Variants in WDR75 observed in about 807,000 individuals in gnomAD.
WDR75 encodes the protein WD repeat domain 75, also known as WD repeat-containing protein 75.
Under a neutral mutation model 106.1 loss-of-function variants are expected in WDR75, and 52 were observed. That is an observed-to-expected ratio of 0.49 (90% confidence interval 0.39 to 0.62). The LOEUF is 0.62. Ranked by LOEUF, WDR75 falls within the 20% of genes least tolerant of loss-of-function variation. WDR75 has a pLI of 0.00. For missense variants in WDR75, 905 were observed against 970.3 expected, an observed-to-expected ratio of 0.93 and a Z score of 0.89; for synonymous variants, 333 against 335.5, an observed-to-expected ratio of 0.99 and a Z score of 0.08.
In WDR75 at chr2:189,441,500, A is replaced by G. The variant is rs751960487; in HGVS notation, c.8A>G (p.Glu3Gly). The G allele has an allele frequency of 2.6e-6, 4 of 1,563,180 alleles. No homozygotes were observed. Among genetic ancestry groups the G allele is most frequent in the African/African-American group, 1.4e-5 (1 of 73,852 alleles). The change falls in exon 1 of 21, where the codon GAG (glutamate) becomes GGG (glycine). Residue 3 changes from glutamate to glycine, a missense_variant. Coordinates refer to ENST00000314761, the MANE Select transcript of WDR75 (RefSeq NM_032168.3). ...TTCCGCTACTGCGCAAAGATGGTGG[A>G]GGAGGAGAACATCCGCGTGGTTCGT... is the stretch of plus-strand genomic sequence containing the variant. The part of the protein sequence containing the change: MV[E>G]EENIRVVRCG...
rs1686599960 is a variant in WDR75, at chr2:189,450,680, CCT to C, written c.217-216_217-215del. 6.7e-6 allele frequency: 9 copies of C among 1,341,132 alleles called. No individual in the cohort carries two copies. In the East Asian group the frequency reaches 2.6e-4, roughly 39 times the overall value. 83.1% of individuals were successfully genotyped at this position (1,341,132 alleles called of 1,614,324 possible). A position where few individuals can be genotyped will look rare whatever the true frequency, so the allele number is the denominator to read the frequency against. On this transcript the variant is annotated intron_variant, in intron 2 of 20. Coordinates refer to ENST00000314761, the MANE Select transcript of WDR75 (RefSeq NM_032168.3). ...TTCAAGACAGAAAGTTGGCTTTTTT[CCT>C]CTCTCTTTTAGTTAAAACTTGAAAT...
At chr2:189,469,783 T>TA (rs1451975902) in intron 16 of WDR75, among the ~76,000 whole-genome samples, 1 of 152,160 alleles carries the variant, frequency 6.6e-6, no homozygotes, top group Non-Finnish European at 1.5e-5. Flanking sequence ...TTCTAGTACT[T>TA]ACAGACAAAA....
chr2:189,458,219 G>A (rs977375756), intron 6 of WDR75, among the ~76,000 whole-genome samples: 8 of 152,094 alleles, frequency 5.3e-5, no homozygotes, highest in Non-Finnish European at 1.0e-4. Flanking sequence ...CACTGTGCCC[G>A]GCCAATTGCT....
chr2:189,465,094 C>A lies in WDR75; in HGVS notation c.1129C>A (p.Gln377Lys), dbSNP rs1686974070. The A allele has an allele frequency of 6.3e-7, 1 of 1,593,550 alleles. No individual in the cohort carries two copies. The highest frequency in any genetic ancestry group is 1.4e-5 in the African/African-American group (1 of 73,838). The change falls in exon 12 of 21, where the codon CAA (glutamine) becomes AAA (lysine). Residue 377 changes from glutamine (Q) to lysine (K), a missense_variant. By Grantham distance (53) the Gln-to-Lys change is moderately conservative. Transcript: ENST00000314761. ...KQLYNLDIIQQEYINDYGLIQ... is the reference protein window; with the variant it reads ...KQLYNLDIIQKEYINDYGLIQ... ...TACTCATCAGTTAGATATTATACAG[C>A]AAGAATATATTAATGATTATGGTCT...
At chr2:189,467,144 A>G (rs1392661514) in intron 13 of WDR75, among the ~76,000 whole-genome samples, 1 of 151,970 alleles carries the variant, frequency 6.6e-6, no homozygotes, top group East Asian at 1.9e-4. Context: ...AACCCTGTAT[A>G]TACTGTTTTT....
intron 2 of WDR75, chr2:189,449,225 A>G (rs555007995): frequency 8.5e-6 from 11 of 1,298,648 alleles, no homozygotes; most frequent in Non-Finnish European, 1.1e-5. Context: ...TTTTAATCCA[A>G]TTCCATTTTC....
intron 8 of WDR75, among the ~76,000 whole-genome samples, chr2:189,461,918 G>A (rs1044426538): frequency 6.6e-6 from 1 of 152,106 alleles, no homozygotes; most frequent in African/African-American, 2.4e-5. Context: ...TTTCTGAGAG[G>A]TATTATCATG....
At chr2:189,474,632 A>T in intron 19 of WDR75, 85 bp from the exon 20 acceptor site, 1 of 1,180,482 alleles carries the variant, frequency 8.5e-7, no homozygotes. Context: ...TTACAATAAA[A>T]GGGACTCCGT....
intron 8 of WDR75, among the ~76,000 whole-genome samples, chr2:189,461,540 G>A (rs1266459791): frequency 6.6e-6 from 1 of 151,884 alleles, no homozygotes; most frequent in Admixed American, 6.6e-5. Flanking sequence ...TCTTTTGATA[G>A]TATGTTTTAC....
At chr2:189,441,636 C>T in intron 1 of WDR75, 58 bp downstream of exon 1, 4 of 1,528,974 alleles carry the variant, frequency 2.6e-6, no homozygotes. Flanking sequence ...TCTCGAGGGT[C>T]GGGGAGAAGG....
Position 189,465,378 on chromosome 2 carries a change from G to A in WDR75, c.1289+124G>A, listed in dbSNP as rs531786157. 1.9e-5 allele frequency: 20 copies of A among 1,043,504 alleles called. 1 individual carries two copies. The South Asian group carries it at 4.2e-4, about 22-fold the overall frequency. 64.6% of individuals were successfully genotyped at this position (1,043,504 alleles called of 1,614,324 possible). ...GTTTAGATTTAGAGATATGGGAGAG[G>A]TTTTATTCTAATAAAACCTTTAAGC... On this transcript the variant is annotated intron_variant, in intron 12 of 20. Coordinates refer to ENST00000314761, the MANE Select transcript of WDR75 (RefSeq NM_032168.3).
At chr2:189,470,932 T>TA in intron 18 of WDR75, 54 bp downstream of exon 18, 1 of 1,349,154 alleles carries the variant, frequency 7.4e-7, no homozygotes, top group Non-Finnish European at 1.0e-6. Context: ...AGGATACAAT[T>TA]ACCTTTTAGA....
chr2:189,474,844 T>G, intron 20 of WDR75, 36 bp downstream of exon 20: 1 of 1,526,310 alleles, frequency 6.6e-7, no homozygotes, highest in Non-Finnish European at 9.1e-7. Flanking sequence ...GGACACTCTC[T>G]TTTGGGAAAC....
chr2:189,459,517 G>T, intron 8 of WDR75, 93 bp downstream of exon 8: 1 of 1,202,380 alleles, frequency 8.3e-7, no homozygotes, highest in Admixed American at 2.0e-5. Flanking sequence ...ATTTAAAACT[G>T]CATGAGCCAA....
At position 189,448,522 on chromosome 2, in the gene WDR75, T is replaced by G. The variant is rs531966941; in HGVS notation, c.216+14T>G. 1.9e-6 allele frequency: 3 copies of G among 1,611,106 alleles called. No homozygotes were observed. In the East Asian group the frequency reaches 6.7e-5, roughly 36 times the overall value. On this transcript the variant is annotated intron_variant, in intron 2 of 20. Transcript: ENST00000314761. ...AACCATCTACAGGTGTCAAACAGTT[T>G]ATAGCTGAATACTTTAAGACTGGCT...
At chr2:189,442,429 C>G (rs951602575) in intron 1 of WDR75, among the ~76,000 whole-genome samples, 1 of 145,632 alleles carries the variant, frequency 6.9e-6, no homozygotes, top group East Asian at 2.0e-4. Flanking sequence ...AAGTTTGTAG[C>G]CTCCACAATA....
intron 7 of WDR75, 44 bp downstream of exon 7, chr2:189,458,916 T>A (rs1407900621): frequency 6.4e-7 from 1 of 1,563,238 alleles, no homozygotes; most frequent in Non-Finnish European, 8.6e-7. Context: ...TATGTACTAT[T>A]TTACGTTAGT....
rs764972981 is a variant in WDR75 at position 189,474,136 on chromosome 2, A to T, written c.2050-50A>T. 7 of 1,568,080 alleles carry T rather than the reference A, an allele frequency of 4.5e-6. 1 individual carries two copies. Among genetic ancestry groups the T allele is most frequent in the Admixed American group, 3.8e-5 (2 of 52,864 alleles). The stretch of plus-strand genomic sequence containing the variant: ...TAGTACTTACTGTTAAGTCAAACAC[A>T]GTTCTTCCTTTTTTCTGAAATAATT... On this transcript the variant is annotated intron_variant, in intron 18 of 20. Transcript: ENST00000314761.
At chr2:189,467,406 A>G (rs778610639) in intron 13 of WDR75, 62 bp from the exon 14 acceptor site, 34 of 1,482,240 alleles carry the variant, frequency 2.3e-5, no homozygotes, top group Admixed American at 4.5e-5. Flanking sequence ...ACTAGGGGGA[A>G]CTACTGTAGC....
Sources: allele counts gnomAD v4.1 joint callset (sites outside exome capture counted in the v4.1 genomes callset), GRCh38; gene constraint gnomAD v4.1.1; transcripts MANE v1.5; gene names NCBI Gene and HGNC (gene_info 2026-07-23, HGNC 2026-07-21).